Variants in CRADD observed in about 807,000 individuals in gnomAD.
CRADD encodes the protein death domain-containing protein CRADD.
CRADD carries 9 observed loss-of-function variants against 15.5 expected under a neutral mutation model. The ratio of observed to expected loss-of-function variants is 0.58; its 90% confidence interval spans 0.35 to 1.01. The LOEUF (loss-of-function observed/expected upper bound fraction) is 1.01, where lower values mean the gene tolerates loss of function less well. CRADD is among the 50% of genes least tolerant of loss of function. CRADD has a pLI of 0.02. For synonymous variants in CRADD, 118 were observed against 107.6 expected (o/e 1.10, Z -0.60); for missense variants, 227 against 250.3 (o/e 0.91, Z 0.63).
chr12:93,878,428 G>A (rs922377183), intron 2 of CRADD, among the ~76,000 whole-genome samples: 1 of 152,128 alleles, frequency 6.6e-6, no homozygotes, highest in Non-Finnish European at 1.5e-5. Context: ...ATCTTTTGGA[G>A]CCATGAGCTG....
At chr12:93,779,677 C>T (rs1957181072) in intron 2 of CRADD, among the ~76,000 whole-genome samples, 1 of 151,394 alleles carries the variant, frequency 6.6e-6, no homozygotes, top group African/African-American at 2.4e-5. Context: ...GCAACCTCCA[C>T]CTCCTGGGTT....
At chr12:93,861,994 T>A (rs1339458442) in intron 2 of CRADD, among the ~76,000 whole-genome samples, 1 of 152,102 alleles carries the variant, frequency 6.6e-6, no homozygotes, top group African/African-American at 2.4e-5. Context: ...GTAAGTTTCA[T>A]GAGATCTGAT....
intron 2 of CRADD, among the ~76,000 whole-genome samples, chr12:93,710,304 A>G (rs1956038680): frequency 6.6e-6 from 1 of 151,678 alleles, no homozygotes; most frequent in Admixed American, 6.6e-5. Context: ...GCTGGGTTCC[A>G]AGTGTGAGAA....
chr12:93,890,535 G>A (rs1346999580), intron 2 of CRADD, among the ~76,000 whole-genome samples: 1 of 152,172 alleles, frequency 6.6e-6, no homozygotes, highest in Non-Finnish European at 1.5e-5. Flanking sequence ...CGTGCAGGAA[G>A]GAGGTTAGAT....
At chr12:93,879,369 T>C (rs1438564238) in intron 2 of CRADD, among the ~76,000 whole-genome samples, 2 of 152,230 alleles carry the variant, frequency 1.3e-5, no homozygotes, top group Non-Finnish European at 2.9e-5. Context: ...AATTCTCTAC[T>C]CATTCAGCTT....
At chr12:93,807,253 G>T (rs1466525288) in intron 2 of CRADD, among the ~76,000 whole-genome samples, 1 of 152,132 alleles carries the variant, frequency 6.6e-6, no homozygotes, top group Non-Finnish European at 1.5e-5. Flanking sequence ...TTTGAAGACT[G>T]CTGGAATAGA....
At position 93,843,003 on chromosome 12, in the gene CRADD, T is replaced by C. The variant is rs140668053; in HGVS notation, c.299-6967T>C. 5.3e-5 allele frequency among the ~76,000 whole-genome samples: 8 copies of C among 152,294 alleles called. No homozygotes were observed. The East Asian group carries it at 1.5e-3, about 29-fold the overall frequency. On this transcript the variant is annotated intron_variant, in intron 2 of 2. Coordinates refer to ENST00000332896, the MANE Select transcript of CRADD (RefSeq NM_003805.5). ...AGGGAGAACATTTTATACAGCCCTG[T>C]ATGAGGGCCGTCTAAAAGGAGTTAA...
exon 3 of CRADD, chr12:93,894,491 C>G (rs1235417965): frequency 4.6e-6 from 1 of 218,306 alleles, no homozygotes; most frequent in African/African-American, 2.2e-5. Flanking sequence ...CAGGCTTGGC[C>G]TCTCTCCTGT....
At chr12:93,830,292 A>G (rs118113368) in intron 2 of CRADD, among the ~76,000 whole-genome samples, 2 of 152,324 alleles carry the variant, frequency 1.3e-5, no homozygotes, top group East Asian at 3.9e-4. Context: ...CTAATTATTG[A>G]ATGTAGAGTA....
At chr12:93,736,398 T>A (rs1194424995) in intron 2 of CRADD, among the ~76,000 whole-genome samples, 1 of 152,230 alleles carries the variant, frequency 6.6e-6, no homozygotes, top group Non-Finnish European at 1.5e-5. Flanking sequence ...CAAAACTTTC[T>A]GTGCTGACCA....
chr12:93,792,183 G>A (rs11107186), intron 2 of CRADD, among the ~76,000 whole-genome samples: 12,090 of 152,130 alleles, frequency 0.079, 523 homozygotes, highest in East Asian at 0.17. Flanking sequence ...AATGTCTTAG[G>A]GGAGAACTGG....
rs116955985 is a variant in CRADD, at chr12:93,745,078, T to C, written c.298+66006T>C. 8.5e-3 allele frequency among the ~76,000 whole-genome samples: 1,288 copies of C among 152,332 alleles called. 56 individuals carry two copies. The East Asian group carries it at 0.14, about 16-fold the overall frequency. Reference sequence around the variant, plus strand: ...CCACTTACTCATATCTAAAATGTACTTGAATTTGCAGCTTCCAAGTTGGGC... The same window carrying C: ...CCACTTACTCATATCTAAAATGTACCTGAATTTGCAGCTTCCAAGTTGGGC... On this transcript the variant is annotated intron_variant, in intron 2 of 2. Transcript: ENST00000332896.
chr12:93,688,329 C>T (rs1394514210), intron 2 of CRADD, among the ~76,000 whole-genome samples: 1 of 152,062 alleles, frequency 6.6e-6, no homozygotes, highest in Non-Finnish European at 1.5e-5. Flanking sequence ...ATGGCAAAAC[C>T]CCGTTTCTAC....
intron 2 of CRADD, among the ~76,000 whole-genome samples, chr12:93,782,173 T>C (rs1957217759): frequency 6.6e-6 from 1 of 152,124 alleles, no homozygotes; most frequent in South Asian, 2.1e-4. Flanking sequence ...ATAAAAATGA[T>C]GAGTTCATGT....
intron 2 of CRADD, among the ~76,000 whole-genome samples, chr12:93,722,302 A>G (rs1956278850): frequency 6.6e-6 from 1 of 152,068 alleles, no homozygotes; most frequent in African/African-American, 2.4e-5. Flanking sequence ...GTAGTTTGAA[A>G]CGATAGCCTA....
chr12:93,870,085 C>A (rs1294340274), intron 2 of CRADD, among the ~76,000 whole-genome samples: 1 of 152,070 alleles, frequency 6.6e-6, no homozygotes, highest in Non-Finnish European at 1.5e-5. Context: ...ATAAGAGTCA[C>A]TGAAAATGAT....
At chr12:93,751,043 A>G (rs1013396440) in intron 2 of CRADD, among the ~76,000 whole-genome samples, 1 of 152,120 alleles carries the variant, frequency 6.6e-6, no homozygotes, top group Non-Finnish European at 1.5e-5. Flanking sequence ...TGTCTACTAT[A>G]CTCTTTCTTG....
chr12:93,798,139 C>T (rs1053844903), intron 2 of CRADD, among the ~76,000 whole-genome samples: 8 of 152,136 alleles, frequency 5.3e-5, no homozygotes, highest in Non-Finnish European at 1.0e-4. Flanking sequence ...CTGTAGTTTT[C>T]TCTGTTTTAA....
chr12:93,820,582 C>T lies in CRADD; in HGVS notation c.299-29388C>T, dbSNP rs949458843. ...AAAAAAGAAAAAAAAGCATGCTCCC[C>T]TCTGAGAAGACGCATCACTGGGCCA... is the stretch of plus-strand genomic sequence containing the variant. On this transcript the variant is annotated intron_variant, in intron 2 of 2. Transcript: ENST00000332896. 2.6e-5 allele frequency among the ~76,000 whole-genome samples: 4 copies of T among 152,080 alleles called. No individual in the cohort carries two copies. In the East Asian group the frequency reaches 5.8e-4, roughly 22 times the overall value.
Sources: allele counts gnomAD v4.1 joint callset (sites outside exome capture counted in the v4.1 genomes callset), GRCh38; gene constraint gnomAD v4.1.1; transcripts MANE v1.5; gene names NCBI Gene and HGNC (gene_info 2026-07-23, HGNC 2026-07-21).